Variants in PMFBP1 observed in about 807,000 individuals in gnomAD.
PMFBP1 encodes polyamine-modulated factor 1-binding protein 1.
Under a neutral mutation model 137.8 loss-of-function variants are expected in PMFBP1, and 131 were observed. The ratio of observed to expected loss-of-function variants is 0.95; its 90% CI spans 0.82 to 1.10. The LOEUF is 1.10. Ranked by LOEUF, PMFBP1 falls within the 50% of genes least tolerant of loss-of-function variation. The pLI is 0.00. For synonymous variants in PMFBP1, 490 were observed against 450.4 expected, an observed-to-expected ratio of 1.09 and a Z score of -1.11; for missense variants, 1,199 against 1,175.4, an observed-to-expected ratio of 1.02 and a Z score of -0.29.
intron 3 of PMFBP1, among the ~76,000 whole-genome samples, chr16:72,162,785 T>C (rs753420212): frequency 6.6e-6 from 1 of 152,262 alleles, no homozygotes; most frequent in Non-Finnish European, 1.5e-5. Flanking sequence ...GGTACATTTA[T>C]AAGCCACATG....
In PMFBP1 at chr16:72,126,642, C is replaced by A. The variant is rs527713136; in HGVS notation, c.2089-510G>T. Among the ~76,000 whole-genome samples, 4 of 152,322 alleles carry A rather than the reference C, an allele frequency of 2.6e-5. No individual in the cohort carries two copies. In the East Asian group the frequency reaches 7.7e-4, roughly 29 times the overall value. ...ACATGACAGAGTTTCAGGAAATGCT[C>A]AAAAATGGTCTTTGTTCTGTCACGT... On this transcript the variant is annotated intron_variant, in intron 14 of 20. Transcript: ENST00000237353.
At chr16:72,164,964 G>T in intron 2 of PMFBP1, 48 bp from the exon 3 acceptor site, 1 of 1,520,638 alleles carries the variant, frequency 6.6e-7, no homozygotes, top group Non-Finnish European at 8.9e-7. Flanking sequence ...TATCAAGAAA[G>T]TGCTGCTTTC....
At chr16:72,214,728 T>C in the PMFBP1 span, among the ~76,000 whole-genome samples, 1 of 152,170 alleles carries the variant, frequency 6.6e-6, no homozygotes, top group East Asian at 1.9e-4. Context: ...GCTAATTGAC[T>C]ATGTGACAAA....
At chr16:72,242,182 A>G in the PMFBP1 span, among the ~76,000 whole-genome samples, 3 of 152,234 alleles carry the variant, frequency 2.0e-5, no homozygotes, top group African/African-American at 7.2e-5. Flanking sequence ...CTCATCCCGC[A>G]GTGACTGTCT....
intron 3 of PMFBP1, among the ~76,000 whole-genome samples, chr16:72,163,305 G>C (rs934235863): frequency 6.6e-6 from 1 of 152,190 alleles, no homozygotes; most frequent in Non-Finnish European, 1.5e-5. Flanking sequence ...TGGCTCCCCA[G>C]CTTATGTGGA....
the PMFBP1 span, among the ~76,000 whole-genome samples, chr16:72,208,020 G>A: frequency 1.3e-5 from 2 of 152,192 alleles, no homozygotes; most frequent in East Asian, 3.8e-4. Context: ...GGCAGGAGAA[G>A]CTCCCTCTTG....
chr16:72,179,017 T>C (rs969863996), upstream of PMFBP1, among the ~76,000 whole-genome samples: 1 of 152,234 alleles, frequency 6.6e-6, no homozygotes, highest in Admixed American at 6.5e-5. Context: ...GGGCTGGCAC[T>C]ATGCAACAAG....
At chr16:72,200,751 A>G in the PMFBP1 span, among the ~76,000 whole-genome samples, 2 of 152,228 alleles carry the variant, frequency 1.3e-5, no homozygotes, top group African/African-American at 4.8e-5. Context: ...CTATTACCTT[A>G]TTTCAACTGC....
intron 3 of PMFBP1, among the ~76,000 whole-genome samples, chr16:72,157,068 A>G (rs2144454684): frequency 6.6e-6 from 1 of 150,972 alleles, no homozygotes. Flanking sequence ...GGGCGCCTGT[A>G]GTCCCAGCTA....
At chr16:72,239,770 T>C in the PMFBP1 span, among the ~76,000 whole-genome samples, 1 of 151,318 alleles carries the variant, frequency 6.6e-6, no homozygotes, top group African/African-American at 2.4e-5. Context: ...CATGTGCCTG[T>C]AATCCCAGCT....
Position 72,142,533 on chromosome 16 carries a change from A to C in PMFBP1, c.637-1951T>G, listed in dbSNP as rs2042739084. Among the ~76,000 whole-genome samples, 5 of 152,260 alleles carry C rather than the reference A, an allele frequency of 3.3e-5. No individual in the cohort carries two copies. In the South Asian group the frequency reaches 1.0e-3, roughly 31 times the overall value. Reference sequence around the variant, plus strand: ...ACAAGGTGGTACAAAGAAATGCAGCAGTATCTTTGAAGACTTAAGGGAAGA... The same window carrying C: ...ACAAGGTGGTACAAAGAAATGCAGCCGTATCTTTGAAGACTTAAGGGAAGA... On this transcript the variant is annotated intron_variant, in intron 5 of 20. Coordinates refer to ENST00000237353, the MANE Select transcript of PMFBP1 (RefSeq NM_031293.3).
rs892262412 is a variant in PMFBP1 at position 72,133,551 on chromosome 16, C to T, written c.1204-560G>A. On this transcript the variant is annotated intron_variant, in intron 9 of 20. Transcript: ENST00000237353. ...TTGCTCAGGCTGGAGTGCAGTGGCA[C>T]GATCGTAGCTCAATGCAGCTATAAC... Among the ~76,000 whole-genome samples the T allele has an allele frequency of 5.9e-5, 9 of 152,120 alleles. No homozygotes were observed. The South Asian group carries it at 8.3e-4, about 14-fold the overall frequency.
upstream of PMFBP1, among the ~76,000 whole-genome samples, chr16:72,180,169 T>C (rs1245058772): frequency 6.6e-6 from 1 of 152,186 alleles, no homozygotes; most frequent in Non-Finnish European, 1.5e-5. Context: ...ACCTTTCCCA[T>C]GGTTGCTGCA....
At chr16:72,199,552 G>T in the PMFBP1 span, among the ~76,000 whole-genome samples, 1 of 151,544 alleles carries the variant, frequency 6.6e-6, no homozygotes, top group Admixed American at 6.6e-5. Flanking sequence ...TACTCGGGAG[G>T]CTGAGGCAGG....
intron 3 of PMFBP1, among the ~76,000 whole-genome samples, chr16:72,156,984 G>C (rs1266687180): frequency 6.6e-6 from 1 of 151,474 alleles, no homozygotes; most frequent in Non-Finnish European, 1.5e-5. Context: ...TCAGGAGATC[G>C]AGACCATCCT....
At chr16:72,248,173 C>T in the PMFBP1 span, among the ~76,000 whole-genome samples, 8 of 152,162 alleles carry the variant, frequency 5.3e-5, no homozygotes, top group South Asian at 2.1e-4. Flanking sequence ...CCAGGAAGAT[C>T]GTGTACCAAA....
At position 72,136,682 on chromosome 16, in the gene PMFBP1, C is replaced by T. The variant is rs780021039; in HGVS notation, c.1045+11G>A. On this transcript the variant is annotated intron_variant, in intron 8 of 20. Coordinates refer to ENST00000237353, the MANE Select transcript of PMFBP1 (RefSeq NM_031293.3). ...CTGGCTCCCCTGCCACAGCCTGCAG[C>T]CCCAGTTTACCCTTCATGATGTTTC... 1 of 1,614,088 alleles carries T rather than the reference C, an allele frequency of 6.2e-7. No individual in the cohort carries two copies. Among genetic ancestry groups the T allele is most frequent in the Non-Finnish European group, 8.5e-7 (1 of 1,180,008 alleles).
chr16:72,220,744 A>T, the PMFBP1 span, among the ~76,000 whole-genome samples: 1 of 152,210 alleles, frequency 6.6e-6, no homozygotes, highest in African/African-American at 2.4e-5. Flanking sequence ...ACAGTGCTGC[A>T]GTCCTGTGGA....
the PMFBP1 span, among the ~76,000 whole-genome samples, chr16:72,227,785 T>G: frequency 1.3e-5 from 2 of 152,210 alleles, no homozygotes; most frequent in African/African-American, 2.4e-5. Flanking sequence ...AAAATATTGA[T>G]AATATTCACC....
Sources: allele counts gnomAD v4.1 joint callset (sites outside exome capture counted in the v4.1 genomes callset), GRCh38; gene constraint gnomAD v4.1.1; transcripts MANE v1.5; gene names NCBI Gene and HGNC (gene_info 2026-07-23, HGNC 2026-07-21).